Variants in SYNE1 observed in about 807,000 individuals in gnomAD.
The protein encoded by SYNE1 is nesprin-1.
A neutral mutation model predicts 1,111.0 loss-of-function variants in SYNE1; 616 were observed. The ratio of observed to expected loss-of-function variants is 0.55; its 90% CI spans 0.52 to 0.59. SYNE1 has a LOEUF of 0.59. Ranked by LOEUF, SYNE1 falls within the 20% of genes least tolerant of loss-of-function variation. SYNE1 has a pLI of 0.00. For missense variants in SYNE1, 10,006 were observed against 10,417.0 expected (o/e 0.96, Z 1.72); for synonymous variants, 3,855 against 3,825.8 (o/e 1.01, Z -0.28).
intron 133 of SYNE1, among the ~76,000 whole-genome samples, chr6:152,154,395 A>C (rs1261439877): frequency 2.6e-5 from 4 of 151,780 alleles, no homozygotes; most frequent in Non-Finnish European, 4.4e-5. Flanking sequence ...TTAGAAATGA[A>C]TTATAATGAA....
intron 98 of SYNE1, among the ~76,000 whole-genome samples, chr6:152,273,142 C>T (rs1208445643): frequency 6.6e-6 from 1 of 152,180 alleles, no homozygotes; most frequent in Admixed American, 6.5e-5. Flanking sequence ...TCTGTATTTA[C>T]ACTTCACCCA....
In SYNE1 at chr6:152,316,892, C is replaced by T. The variant is rs1447082589; in HGVS notation, c.16667G>A (p.Trp5556Ter). The change falls in exon 87 of 146, where the codon TGG becomes TAG. Residue 5556 changes from tryptophan to a stop codon, truncating the protein, a stop_gained. Coordinates refer to ENST00000367255, the MANE Select transcript of SYNE1 (RefSeq NM_182961.4). LOFTEE classifies it high-confidence loss of function. ...TTCCCGAAGCTGGCTTGCAGAATTC[C>T]ATGCAATAGTTCCATGAGCCAAGAC... ...AKVLAHGTIA[W>*]NSASQLREQY... 6.2e-7 allele frequency: 1 copy of T among 1,614,022 alleles called. No individual in the cohort carries two copies. Among genetic ancestry groups the T allele is most frequent in the African/African-American group, 1.3e-5 (1 of 74,924 alleles).
rs36215250 is a variant in SYNE1 at position 152,176,456 on chromosome 6, A to T, written c.23565T>A (p.Ile7855=). The T allele has an allele frequency of 1.2e-6, 2 of 1,614,176 alleles. No individual in the cohort carries two copies. The highest frequency in any genetic ancestry group is 1.7e-6 in the Non-Finnish European group (2 of 1,180,026). Residue 7855 remains isoleucine (I), a synonymous_variant, in exon 130 of 146, where the codon ATT becomes ATA. Coordinates refer to ENST00000367255, the MANE Select transcript of SYNE1 (RefSeq NM_182961.4). ...KASHESKASE[I]EYKLGKVNDR... is the part of the protein sequence containing the mutation. ...CGTTGACCTTTCCCAGCTTGTATTC[A>T]ATCTCAGATGCTTTGCTTTCATGGC...
chr6:152,185,474 C>G (rs926272217), intron 128 of SYNE1: 7 of 152,184 alleles, frequency 4.6e-5, no homozygotes, highest in African/African-American at 1.7e-4. Flanking sequence ...TCACCAGAAA[C>G]AACTAACTCA....
intron 95 of SYNE1, among the ~76,000 whole-genome samples, chr6:152,289,893 T>C (rs1341682124): frequency 6.6e-6 from 1 of 150,952 alleles, no homozygotes. Flanking sequence ...CCCAAAGTGC[T>C]GGGATTACAG....
chr6:152,453,255 C>T (rs562543279), intron 25 of SYNE1, among the ~76,000 whole-genome samples: 1 of 151,746 alleles, frequency 6.6e-6, no homozygotes, highest in Non-Finnish European at 1.5e-5. Flanking sequence ...GTAGGTATAC[C>T]TAGCAAGATT....
intron 128 of SYNE1, among the ~76,000 whole-genome samples, chr6:152,188,420 T>G (rs2153225922): frequency 6.6e-6 from 1 of 152,300 alleles, no homozygotes; most frequent in East Asian, 1.9e-4. Context: ...TGGGATATTT[T>G]TTTAAAACGT....
At chr6:152,399,937 T>C in intron 47 of SYNE1, 114 bp from the exon 48 acceptor site, 4 of 1,191,238 alleles carry the variant, frequency 3.4e-6, no homozygotes, top group South Asian at 2.6e-5. Context: ...ATCCACTCCA[T>C]GGTGTATACA....
chr6:152,455,241 C>A (rs1423932695), intron 24 of SYNE1, among the ~76,000 whole-genome samples, 185 bp downstream of exon 24: 1 of 152,206 alleles, frequency 6.6e-6, no homozygotes, highest in East Asian at 1.9e-4. Flanking sequence ...CAAGTCAGCT[C>A]ACCAACTCTC....
Position 152,310,442 on chromosome 6 carries a change from G to T in SYNE1, c.16973C>A (p.Pro5658Gln). 6.2e-7 allele frequency: 1 copy of T among 1,614,116 alleles called. No individual in the cohort carries two copies. ...LEQAQATLTSPEVGRLSLKEQ... is the reference protein window; with the variant it reads ...LEQAQATLTSQEVGRLSLKEQ... Reference sequence around the variant, plus strand: ...CTTGAGACTGAGACGTCCAACTTCTGGAGAAGTCAGTGTTGCCTGGGCTTG... The same window carrying T: ...CTTGAGACTGAGACGTCCAACTTCTTGAGAAGTCAGTGTTGCCTGGGCTTG... Residue 5658 changes from proline to glutamine, a missense_variant, in exon 89 of 146, where the codon CCA becomes CAA. Physicochemically the swap from Pro to Gln is moderately conservative, Grantham distance 76. Coordinates refer to ENST00000367255, the MANE Select transcript of SYNE1 (RefSeq NM_182961.4).
intron 17 of SYNE1, among the ~76,000 whole-genome samples, chr6:152,465,764 C>T (rs1438780044): frequency 3.8e-5 from 4 of 105,780 alleles, no homozygotes; most frequent in Middle Eastern, 4.3e-3. Context: ...TAGAAGAACA[C>T]ATACACACAC....
chr6:152,140,231 A>ATAGCC, intron 139 of SYNE1, 70 bp from the exon 140 acceptor site: 4 of 1,522,404 alleles, frequency 2.6e-6, no homozygotes, highest in Non-Finnish European at 3.6e-6. Flanking sequence ...TGCTTTAAAC[A>ATAGCC]TAGGTTGGCA....
At chr6:152,520,132 C>T (rs1476017856) in intron 6 of SYNE1, among the ~76,000 whole-genome samples, 1 of 152,076 alleles carries the variant, frequency 6.6e-6, no homozygotes, top group African/African-American at 2.4e-5. Context: ...CAGACACAGA[C>T]AATAGAGGGA....
chr6:152,282,151 G>T (rs943493067), intron 96 of SYNE1, 171 bp from the exon 97 acceptor site: 2 of 668,984 alleles, frequency 3.0e-6, no homozygotes, highest in African/African-American at 1.8e-5. Context: ...GAATTTCTAG[G>T]GGTGAGTCTC....
chr6:152,507,439 T>C (rs1473710046), intron 8 of SYNE1, among the ~76,000 whole-genome samples: 1 of 152,184 alleles, frequency 6.6e-6, no homozygotes, highest in African/African-American at 2.4e-5. Context: ...ATTTCTTCTA[T>C]ATTTGTTGAA....
chr6:152,562,982 T>A (rs2099399837), intron 3 of SYNE1, among the ~76,000 whole-genome samples: 1 of 152,066 alleles, frequency 6.6e-6, no homozygotes, highest in Non-Finnish European at 1.5e-5. Flanking sequence ...AGAGTTCTTT[T>A]AAAGTCTACT....
At chr6:152,290,593 A>G (rs918034770) in intron 95 of SYNE1, among the ~76,000 whole-genome samples, 2 of 152,124 alleles carry the variant, frequency 1.3e-5, no homozygotes, top group Non-Finnish European at 2.9e-5. Flanking sequence ...AGAGAGGATA[A>G]CCAGAAAGGC....
At chr6:152,430,769 G>T in intron 34 of SYNE1, 60 bp from the exon 35 acceptor site, 1 of 1,436,160 alleles carries the variant, frequency 7.0e-7, no homozygotes, top group South Asian at 1.1e-5. Context: ...TTCCTGAAAT[G>T]ATACAATTAT....
intron 38 of SYNE1, 161 bp downstream of exon 38, chr6:152,427,532 C>A: frequency 1.2e-6 from 1 of 824,326 alleles, no homozygotes; most frequent in Non-Finnish European, 1.9e-6. Flanking sequence ...GTCATGGTTG[C>A]TTTCTTCTTT....
Sources: allele counts gnomAD v4.1 joint callset (sites outside exome capture counted in the v4.1 genomes callset), GRCh38; gene constraint gnomAD v4.1.1; transcripts MANE v1.5; gene names NCBI Gene and HGNC (gene_info 2026-07-23, HGNC 2026-07-21).